The following CNTNAP5 variants were observed in gnomAD, a reference collection of about 807,000 sequenced individuals.
CNTNAP5 encodes the protein contactin associated protein family member 5.
Under a neutral mutation model 150.2 loss-of-function variants are expected in CNTNAP5, and 72 were observed. That is an observed-to-expected ratio of 0.48 (90% CI 0.40 to 0.58). The LOEUF (loss-of-function observed/expected upper bound fraction) is 0.58. Ranked by LOEUF, CNTNAP5 falls within the 20% of genes least tolerant of loss-of-function variation. The pLI is 0.00. For missense variants in CNTNAP5, 1,636 were observed against 1,626.2 expected (o/e 1.01, Z -0.10); for synonymous variants, 672 against 619.8 (o/e 1.08, Z -1.25).
chr2:124,469,118 A>T (rs556145287), intron 6 of CNTNAP5, among the ~76,000 whole-genome samples: 3 of 152,116 alleles, frequency 2.0e-5, no homozygotes, highest in African/African-American at 7.2e-5. Context: ...TCAAGCTACC[A>T]CCTAACTGTG....
intron 1 of CNTNAP5, among the ~76,000 whole-genome samples, chr2:124,199,535 C>T (rs1450441851): frequency 6.6e-6 from 1 of 151,456 alleles, no homozygotes; most frequent in Non-Finnish European, 1.5e-5. Context: ...CCTGCCTCAG[C>T]CTCCCGAGTA....
chr2:124,158,554 T>C (rs1329149581), intron 1 of CNTNAP5, among the ~76,000 whole-genome samples: 1 of 152,210 alleles, frequency 6.6e-6, no homozygotes, highest in Non-Finnish European at 1.5e-5. Context: ...TATTTTCAAT[T>C]TGCAATTGGT....
intron 11 of CNTNAP5, among the ~76,000 whole-genome samples, chr2:124,599,067 C>G (rs931267804): frequency 6.6e-6 from 1 of 152,052 alleles, no homozygotes; most frequent in Non-Finnish European, 1.5e-5. Context: ...GAGATGAACC[C>G]GGTACCTCAG....
Position 124,915,654 on chromosome 2 carries a change from TA to T in CNTNAP5, c.*1369del, listed in dbSNP as rs1678751747. On this transcript the variant is annotated 3_prime_UTR_variant, in exon 24 of 24. Coordinates refer to ENST00000682447, the MANE Select transcript of CNTNAP5 (RefSeq NM_001367498.1). ...CCTTCCAAACATCTTTTTATAGGCT[TA>T]AACTCCCAAAAGAGGTGGTGACAAA... Among the ~76,000 whole-genome samples, 1 of 152,016 alleles carries T rather than the reference TA, an allele frequency of 6.6e-6. No individual in the cohort carries two copies.
intron 17 of CNTNAP5, among the ~76,000 whole-genome samples, chr2:124,782,541 A>G (rs559373605): frequency 1.2e-4 from 18 of 152,214 alleles, no homozygotes; most frequent in Non-Finnish European, 2.6e-4. Context: ...GAAAGTGTAA[A>G]TCAGATTTCC....
chr2:124,768,973 C>T (rs1168610735), intron 16 of CNTNAP5, among the ~76,000 whole-genome samples: 1 of 152,122 alleles, frequency 6.6e-6, no homozygotes, highest in Non-Finnish European at 1.5e-5. Context: ...TCATTTTACA[C>T]ATGGACACGT....
chr2:124,752,884 G>T (rs978340203), intron 14 of CNTNAP5, among the ~76,000 whole-genome samples: 8 of 152,256 alleles, frequency 5.3e-5, no homozygotes, highest in Middle Eastern at 3.4e-3. Context: ...TCCAGCAAGA[G>T]GCGTCAAAGG....
chr2:124,417,016 C>A (rs185367252), intron 3 of CNTNAP5, among the ~76,000 whole-genome samples: 38 of 147,624 alleles, frequency 2.6e-4, no homozygotes, highest in African/African-American at 9.3e-4. Flanking sequence ...TGGCTCACTG[C>A]AACCTCCGCC....
chr2:124,614,958 T>C (rs1408918386), intron 12 of CNTNAP5, among the ~76,000 whole-genome samples: 1 of 142,716 alleles, frequency 7.0e-6, no homozygotes, highest in Non-Finnish European at 1.5e-5. Context: ...CATGGTAAAC[T>C]ATTAATTGTG....
intron 13 of CNTNAP5, among the ~76,000 whole-genome samples, chr2:124,728,965 C>G (rs1208224247): frequency 3.9e-5 from 6 of 152,038 alleles, no homozygotes. Flanking sequence ...TATAAAGGCC[C>G]TCTCACTTTG....
In CNTNAP5 at chr2:124,609,883, C is replaced by T. The variant is rs188197513; in HGVS notation, c.1839C>T (p.Gly613=). ...GFFYIDSDGS[G]PLGPLQVYCN... ...TCTACATCGACTCAGATGGCAGCGGCCCACTGGGACCTCTCCAGGTGTACT... is the reference window on the plus strand; with the variant it reads ...TCTACATCGACTCAGATGGCAGCGGTCCACTGGGACCTCTCCAGGTGTACT... The change falls in exon 12 of 24, where the codon GGC becomes GGT. Residue 613 remains glycine (G), a synonymous_variant. Transcript: ENST00000682447. 64 of 1,613,958 alleles carry T rather than the reference C, an allele frequency of 4.0e-5. 1 individual carries two copies. In the Admixed American group the frequency reaches 4.0e-4, roughly 10 times the overall value.
At chr2:124,244,824 T>G (rs1462473512) in intron 3 of CNTNAP5, among the ~76,000 whole-genome samples, 1 of 152,130 alleles carries the variant, frequency 6.6e-6, no homozygotes, top group South Asian at 2.1e-4. Context: ...CAAATGTAAT[T>G]CTTTATGTAT....
chr2:124,106,915 A>G (rs1683182889), intron 1 of CNTNAP5, among the ~76,000 whole-genome samples: 1 of 152,134 alleles, frequency 6.6e-6, no homozygotes, highest in Non-Finnish European at 1.5e-5. Flanking sequence ...TTCAACAACC[A>G]TTGGTGCCTA....
intron 1 of CNTNAP5, among the ~76,000 whole-genome samples, chr2:124,067,023 G>T (rs1682178680): frequency 6.6e-6 from 1 of 152,096 alleles, no homozygotes; most frequent in Non-Finnish European, 1.5e-5. Context: ...TTACCTCTTT[G>T]TTTAGACTAC....
intron 22 of CNTNAP5, among the ~76,000 whole-genome samples, chr2:124,904,052 TCAAAAAAAAAAA>T (rs1460167062): frequency 7.1e-5 from 3 of 42,260 alleles, no homozygotes; most frequent in African/African-American, 1.1e-4. Flanking sequence ...AGACTCTGTT[TCAAAAAAAAAAA>T]CAAAAAAAAA....
intron 18 of CNTNAP5, among the ~76,000 whole-genome samples, chr2:124,793,285 T>G (rs1363404691): frequency 6.6e-6 from 1 of 152,224 alleles, no homozygotes; most frequent in Non-Finnish European, 1.5e-5. Flanking sequence ...TAATGACTAA[T>G]GATATTGGAT....
At chr2:124,371,086 A>G (rs1490156524) in intron 3 of CNTNAP5, among the ~76,000 whole-genome samples, 2 of 152,088 alleles carry the variant, frequency 1.3e-5, no homozygotes, top group Non-Finnish European at 2.9e-5. Context: ...TGTCCTCCAG[A>G]TATAAGGAGG....
Position 124,524,439 on chromosome 2 carries a change from C to T in CNTNAP5, c.1464C>T (p.Ser488=). ...STWVQIYSGN[S]YYFGGCPDNL... ...GGGTGCAGATTTATTCTGGAAATAG[C>T]TACTATTTTGGAGGTAAATTCTCCA... The change falls in exon 9 of 24, where the codon AGC becomes AGT. Residue 488 remains serine, a synonymous_variant. Transcript: ENST00000682447. 1 of 1,611,698 alleles carries T rather than the reference C, an allele frequency of 6.2e-7. No homozygotes were observed. The highest frequency in any genetic ancestry group is 8.5e-7 in the Non-Finnish European group (1 of 1,178,704).
chr2:124,363,387 C>T (rs1690272204), intron 3 of CNTNAP5, among the ~76,000 whole-genome samples: 2 of 152,188 alleles, frequency 1.3e-5, no homozygotes, highest in Non-Finnish European at 2.9e-5. Context: ...GACCAGCCCT[C>T]CTTCTTAACA....
Sources: allele counts gnomAD v4.1 joint callset (sites outside exome capture counted in the v4.1 genomes callset), GRCh38; gene constraint gnomAD v4.1.1; transcripts MANE v1.5; gene names NCBI Gene and HGNC (gene_info 2026-07-23, HGNC 2026-07-21).